The following PLXNA4 variants were observed in gnomAD, a reference collection of about 807,000 sequenced individuals.
PLXNA4 encodes the protein plexin-A4.
PLXNA4 carries 44 observed loss-of-function variants against 191.8 expected under a neutral mutation model. The observed-to-expected ratio is 0.23, with a 90% CI of 0.18 to 0.29. PLXNA4 has a LOEUF of 0.29. PLXNA4 is among the 10% of genes least tolerant of loss of function. The pLI is 1.00. For synonymous variants in PLXNA4, 1,082 were observed against 1,009.5 expected (o/e 1.07, Z -1.36); for missense variants, 1,800 against 2,488.8 (o/e 0.72, Z 5.89).
At chr7:132,289,492 G>A (rs1800804853) in intron 4 of PLXNA4, among the ~76,000 whole-genome samples, 1 of 152,150 alleles carries the variant, frequency 6.6e-6, no homozygotes, top group Non-Finnish European at 1.5e-5. Context: ...GCACATAGTA[G>A]GAGGGAGCTT....
intron 3 of PLXNA4, among the ~76,000 whole-genome samples, chr7:132,409,498 T>G (rs1363114318): frequency 1.3e-5 from 2 of 152,150 alleles, no homozygotes; most frequent in Non-Finnish European, 2.9e-5. Flanking sequence ...CCCTTGAAAG[T>G]CTGTCCCTCC....
chr7:132,270,864 G>A (rs563982655), intron 4 of PLXNA4, among the ~76,000 whole-genome samples: 1 of 152,308 alleles, frequency 6.6e-6, no homozygotes, highest in African/African-American at 2.4e-5. Context: ...AAGAGTACTT[G>A]TTCCATCAAT....
intron 4 of PLXNA4, among the ~76,000 whole-genome samples, chr7:132,251,711 G>T (rs1034522170): frequency 2.0e-5 from 3 of 152,236 alleles, no homozygotes; most frequent in Non-Finnish European, 4.4e-5. Context: ...GCCCAAGGGG[G>T]TGTGCCCAGA....
At chr7:132,283,005 A>G (rs1262758845) in intron 4 of PLXNA4, among the ~76,000 whole-genome samples, 3 of 152,004 alleles carry the variant, frequency 2.0e-5, no homozygotes, top group African/African-American at 7.3e-5. Context: ...GCCCCCCCCA[A>G]GTAACTGGGA....
intron 3 of PLXNA4, among the ~76,000 whole-genome samples, chr7:132,353,112 C>T (rs1171101469): frequency 6.6e-6 from 1 of 152,168 alleles, no homozygotes; most frequent in Non-Finnish European, 1.5e-5. Context: ...TTTAGCTCTT[C>T]TGCCAGAGCC....
At chr7:132,355,059 G>A (rs1317963149) in intron 3 of PLXNA4, among the ~76,000 whole-genome samples, 1 of 152,208 alleles carries the variant, frequency 6.6e-6, no homozygotes, top group African/African-American at 2.4e-5. Context: ...AGTTCAAAGA[G>A]CCAGATGCCC....
intron 16 of PLXNA4, among the ~76,000 whole-genome samples, chr7:132,183,417 C>T (rs182847323): frequency 1.3e-5 from 2 of 152,306 alleles, no homozygotes; most frequent in African/African-American, 4.8e-5. Context: ...AGAGCCTCAC[C>T]CCATCCTCAG....
intron 1 of PLXNA4, among the ~76,000 whole-genome samples, chr7:132,556,732 G>A (rs915514328): frequency 2.0e-5 from 3 of 152,214 alleles, no homozygotes; most frequent in Non-Finnish European, 2.9e-5. Context: ...CGTCCTTGGC[G>A]CTGTGCTGTT....
chr7:132,575,911 C>G (rs1802203682), intron 1 of PLXNA4, among the ~76,000 whole-genome samples: 2 of 152,262 alleles, frequency 1.3e-5, no homozygotes, highest in Admixed American at 1.3e-4. Flanking sequence ...ACCACTCTCT[C>G]CAAATATGCG....
intron 29 of PLXNA4, among the ~76,000 whole-genome samples, chr7:132,143,283 A>G (rs1795322669): frequency 6.6e-6 from 1 of 152,112 alleles, no homozygotes; most frequent in African/African-American, 2.4e-5. Context: ...GGGTTGGGGG[A>G]AACTGTCTAC....
chr7:132,371,019 G>A (rs1196131573), intron 3 of PLXNA4, among the ~76,000 whole-genome samples: 4 of 152,186 alleles, frequency 2.6e-5, no homozygotes, highest in African/African-American at 9.7e-5. Context: ...AGAGGTCAGG[G>A]GGCACAAGAA....
At chr7:132,624,509 G>A (rs973251410) in intron 2 of PLXNA4, among the ~76,000 whole-genome samples, 5 of 152,152 alleles carry the variant, frequency 3.3e-5, no homozygotes, top group Non-Finnish European at 7.3e-5. Context: ...GGGAAGAATA[G>A]AGAGAATGAG....
rs138863067 is a variant in PLXNA4 at position 132,131,037 on chromosome 7, G to C, written c.5590-463C>G. 3.3e-5 allele frequency among the ~76,000 whole-genome samples: 5 copies of C among 152,260 alleles called. No homozygotes were observed. In the East Asian group the frequency reaches 9.6e-4, roughly 29 times the overall value. On this transcript the variant is annotated intron_variant, in intron 31 of 31. Transcript: ENST00000321063. ...CTCCCGCAGAAATAAAAATCCATCA[G>C]CTCCTTGAGGCCCCAAATTCTACAT...
Position 132,210,928 on chromosome 7 carries a change from G to A in PLXNA4, c.2298+15C>T. On this transcript the variant is annotated intron_variant, in intron 10 of 31. Transcript: ENST00000321063. Reference sequence around the variant, plus strand: ...TGGGGCCTGGTTTGGCAGTGGGCAGGGTTGGGCGACTCACAGAGGTGTTCT... The same window carrying A: ...TGGGGCCTGGTTTGGCAGTGGGCAGAGTTGGGCGACTCACAGAGGTGTTCT... 1 of 1,607,666 alleles carries A rather than the reference G, an allele frequency of 6.2e-7. No individual in the cohort carries two copies. The highest frequency in any genetic ancestry group is 8.5e-7 in the Non-Finnish European group (1 of 1,177,038).
At chr7:132,344,154 C>T (rs1161223554) in intron 3 of PLXNA4, among the ~76,000 whole-genome samples, 1 of 152,134 alleles carries the variant, frequency 6.6e-6, no homozygotes, top group African/African-American at 2.4e-5. Flanking sequence ...AAGCACCAGT[C>T]CTTTCATTAA....
intron 14 of PLXNA4, among the ~76,000 whole-genome samples, chr7:132,189,787 G>A (rs576443656): frequency 1.9e-4 from 29 of 152,282 alleles, no homozygotes; most frequent in African/African-American, 6.5e-4. Flanking sequence ...GACTCATGGG[G>A]ACCTCTGTCC....
At chr7:132,571,987 G>A (rs1802001418) in intron 1 of PLXNA4, among the ~76,000 whole-genome samples, 1 of 152,080 alleles carries the variant, frequency 6.6e-6, no homozygotes, top group South Asian at 2.1e-4. Context: ...TGATGAATGG[G>A]GAAATCGAGG....
intron 3 of PLXNA4, among the ~76,000 whole-genome samples, chr7:132,475,799 A>G (rs1797104777): frequency 6.6e-6 from 1 of 152,130 alleles, no homozygotes. Flanking sequence ...CCACACCCAG[A>G]GGAGAAAGAA....
chr7:132,333,836 A>C (rs1052185508), intron 3 of PLXNA4, among the ~76,000 whole-genome samples: 15 of 152,186 alleles, frequency 9.9e-5, no homozygotes, highest in Admixed American at 9.8e-4. Flanking sequence ...CACTGCCAGC[A>C]ACGCTTTTGA....
Sources: gnomAD v4.1 joint callset for allele counts (sites outside exome capture counted in the v4.1 genomes callset) on GRCh38, gnomAD v4.1.1 for gene constraint, MANE v1.5 for transcripts, NCBI Gene and HGNC (gene_info 2026-07-23, HGNC 2026-07-21) for gene names.